The following TSPAN12 variants were observed in gnomAD, a reference collection of about 807,000 sequenced individuals.
The protein encoded by TSPAN12 is tetraspanin-12.
TSPAN12 carries 19 observed loss-of-function variants against 39.2 expected under a neutral mutation model. That is an observed-to-expected ratio of 0.49 (90% CI 0.34 to 0.71). The LOEUF is 0.71. TSPAN12 is among the 30% of genes least tolerant of loss of function. The pLI, the probability that TSPAN12 is intolerant of heterozygous loss-of-function variation, is 0.01. For synonymous variants in TSPAN12, 119 were observed against 124.8 expected (o/e 0.95, Z 0.31); for missense variants, 314 against 359.9 (o/e 0.87, Z 1.03).
At chr7:120,840,915 C>T (rs1794565085) in intron 2 of TSPAN12, among the ~76,000 whole-genome samples, 1 of 152,184 alleles carries the variant, frequency 6.6e-6, no homozygotes, top group African/African-American at 2.4e-5. Flanking sequence ...GCAATTTTAT[C>T]AGGTCATTGG....
rs1425330879 is a variant in TSPAN12 at position 120,792,028 on chromosome 7, A to G, written c.613-3131T>C. ...TTTTCTAGAATTCTGGAAATTAACC[A>G]AAGTCTTGCGGCAATCTGAGGAGCG... On this transcript the variant is annotated intron_variant, in intron 7 of 7. Transcript: ENST00000222747. 2.6e-5 allele frequency among the ~76,000 whole-genome samples: 4 copies of G among 152,298 alleles called. No individual in the cohort carries two copies. The East Asian group carries it at 7.7e-4, about 29-fold the overall frequency.
Position 120,788,806 on chromosome 7 carries a change from AT to A in TSPAN12, c.703del (p.Ile235SerfsTer4). On this transcript the variant is annotated frameshift_variant, in exon 8 of 8. Coordinates refer to ENST00000222747, the MANE Select transcript of TSPAN12 (RefSeq NM_012338.4). LOFTEE classifies it high-confidence loss of function. ...FLGISIGVTQ[I>X]LAMILTITLL... ...AGTAATGGTGAGAATCATGGCCAGG[AT>A]TTGTGTCACCCCAATGGAGATTCCC... is the stretch of plus-strand genomic sequence containing the variant. 1 of 1,614,152 alleles carries A rather than the reference AT, an allele frequency of 6.2e-7. No homozygotes were observed. Among genetic ancestry groups the A allele is most frequent in the South Asian group, 1.1e-5 (1 of 91,076 alleles).
At chr7:120,857,277 C>G in intron 1 of TSPAN12, 1 of 247,702 alleles carries the variant, frequency 4.0e-6, no homozygotes, top group South Asian at 5.4e-5. Context: ...AGAGAATGAG[C>G]GCCCTTCTAG....
At chr7:120,806,073 T>G (rs1480558079) in intron 7 of TSPAN12, among the ~76,000 whole-genome samples, 1 of 152,062 alleles carries the variant, frequency 6.6e-6, no homozygotes, top group Non-Finnish European at 1.5e-5. Context: ...CTGACATCAC[T>G]AATCATTAGC....
At chr7:120,820,041 G>C (rs1794159361) in intron 4 of TSPAN12, among the ~76,000 whole-genome samples, 1 of 152,126 alleles carries the variant, frequency 6.6e-6, no homozygotes. Context: ...ACTGGGAACA[G>C]GTATGTATCT....
intron 2 of TSPAN12, among the ~76,000 whole-genome samples, chr7:120,854,058 A>G (rs538819812): frequency 6.6e-6 from 1 of 152,332 alleles, no homozygotes; most frequent in East Asian, 1.9e-4. Flanking sequence ...AAAAATATAC[A>G]TAAAATGATG....
rs550677404 is a variant in TSPAN12, at chr7:120,789,594, A to T, written c.613-697T>A. 2.0e-5 allele frequency among the ~76,000 whole-genome samples: 3 copies of T among 152,356 alleles called. No homozygotes were observed. The South Asian group carries it at 6.2e-4, about 32-fold the overall frequency. On this transcript the variant is annotated intron_variant, in intron 7 of 7. Transcript: ENST00000222747. Reference sequence around the variant, plus strand: ...CCACTCAAGTATTCTATAAGAGCTCATTCACTCTTAGGTTTATGTGTTGTT... The same window carrying T: ...CCACTCAAGTATTCTATAAGAGCTCTTTCACTCTTAGGTTTATGTGTTGTT...
At chr7:120,830,804 A>G (rs573557117) in intron 4 of TSPAN12, among the ~76,000 whole-genome samples, 1 of 152,238 alleles carries the variant, frequency 6.6e-6, no homozygotes, top group Admixed American at 6.5e-5. Flanking sequence ...ATGAGAAAAT[A>G]TTAAACTACC....
chr7:120,799,687 TTTAA>T (rs1246739537), intron 7 of TSPAN12, among the ~76,000 whole-genome samples: 1 of 111,344 alleles, frequency 9.0e-6, no homozygotes, highest in East Asian at 2.4e-4. Flanking sequence ...ATATATATAA[TTTAA>T]TTATATAATT....
chr7:120,838,161 A>G lies in TSPAN12; in HGVS notation c.285+616T>C, dbSNP rs972959174. Among the ~76,000 whole-genome samples, 5 of 152,362 alleles carry G rather than the reference A, an allele frequency of 3.3e-5. No homozygotes were observed. The South Asian group carries it at 1.0e-3, about 32-fold the overall frequency. On this transcript the variant is annotated intron_variant, in intron 4 of 7. Coordinates refer to ENST00000222747, the MANE Select transcript of TSPAN12 (RefSeq NM_012338.4). ...AGTGCTCTTCTAAAAATATCTATAT[A>G]AACAGTATTTTAATCAACTCAATTT...
chr7:120,836,980 TGTGCAGAGTAAAA>T (rs1271113395), intron 4 of TSPAN12, among the ~76,000 whole-genome samples: 1 of 152,184 alleles, frequency 6.6e-6, no homozygotes, highest in Non-Finnish European at 1.5e-5. Context: ...GCATAGGGAC[TGTGCAGAGTAAAA>T]GTTGGGAGGA....
At chr7:120,812,052 TAA>T (rs1461527295) in intron 5 of TSPAN12, among the ~76,000 whole-genome samples, 1 of 152,050 alleles carries the variant, frequency 6.6e-6, no homozygotes, top group African/African-American at 2.4e-5. Context: ...CCTATTGAAA[TAA>T]AAAAATTAAA....
At chr7:120,846,842 C>A (rs957262965) in intron 2 of TSPAN12, among the ~76,000 whole-genome samples, 1 of 152,234 alleles carries the variant, frequency 6.6e-6, no homozygotes, top group South Asian at 2.1e-4. Flanking sequence ...ACCCATTCCA[C>A]GGGGTCAAAG....
intron 4 of TSPAN12, among the ~76,000 whole-genome samples, chr7:120,829,902 A>G (rs1268681265): frequency 6.6e-6 from 1 of 152,166 alleles, no homozygotes; most frequent in East Asian, 1.9e-4. Context: ...CATATTTCAA[A>G]CCCTGAAGAA....
intron 5 of TSPAN12, among the ~76,000 whole-genome samples, chr7:120,813,789 A>C (rs1434178017): frequency 6.6e-6 from 1 of 152,206 alleles, no homozygotes; most frequent in Non-Finnish European, 1.5e-5. Context: ...CAATCTCTTG[A>C]CCAGTAAACC....
rs71170213 is a variant in TSPAN12, at chr7:120,800,754, G to GT, written c.612+5794dup. On this transcript the variant is annotated intron_variant, in intron 7 of 7. Transcript: ENST00000222747. ...AAAGTTTTCCTTATCGTTTTTTTTTGTTTTTTTTTTTTGAGACAGAGTCTC... is the reference window on the plus strand; with the variant it reads ...AAAGTTTTCCTTATCGTTTTTTTTTGTTTTTTTTTTTTTGAGACAGAGTCTC... 3.8e-3 allele frequency among the ~76,000 whole-genome samples: 491 copies of GT among 127,598 alleles called. 16 individuals carry two copies. The highest frequency in any genetic ancestry group is 0.027 in the East Asian group (112 of 4,158). The allele number at this position is 127,598 out of a possible 152,430, so 83.7% of individuals were successfully genotyped here.
chr7:120,795,650 C>T (rs1239651427), intron 7 of TSPAN12, among the ~76,000 whole-genome samples: 2 of 152,102 alleles, frequency 1.3e-5, no homozygotes, highest in Non-Finnish European at 2.9e-5. Context: ...TGTAAATAAA[C>T]ATAACTCTCA....
At chr7:120,848,088 C>A (rs934021428) in intron 2 of TSPAN12, among the ~76,000 whole-genome samples, 2 of 152,170 alleles carry the variant, frequency 1.3e-5, no homozygotes, top group Non-Finnish European at 2.9e-5. Context: ...TCCTGCAGTG[C>A]CTTCTGCCTG....
intron 4 of TSPAN12, among the ~76,000 whole-genome samples, chr7:120,834,520 A>G (rs7810542): frequency 0.2 from 30,955 of 152,108 alleles, 3,392 homozygotes; most frequent in African/African-American, 0.22. Flanking sequence ...TTTCTTGATC[A>G]GTCTGTTGAA....
Sources: allele counts gnomAD v4.1 joint callset (sites outside exome capture counted in the v4.1 genomes callset), GRCh38; gene constraint gnomAD v4.1.1; transcripts MANE v1.5; gene names NCBI Gene and HGNC (gene_info 2026-07-23, HGNC 2026-07-21).